BEAN1: variants seen among roughly 807,000 people sequenced by gnomAD.
The protein encoded by BEAN1 is protein BEAN1.
BEAN1 carries 17 observed loss-of-function variants against 17.7 expected under a neutral mutation model. That is an observed-to-expected ratio of 0.96 (90% CI 0.66 to 1.44). BEAN1 has a LOEUF of 1.44. Ranked by LOEUF, BEAN1 falls within the 40% of genes most tolerant of loss-of-function variation. The probability of loss-of-function intolerance (pLI) is 0.00; values close to 1 mark genes in which losing one functional copy is unlikely to be tolerated. For synonymous variants in BEAN1, 142 were observed against 151.8 expected (o/e 0.94, Z 0.47); for missense variants, 359 against 374.1 (o/e 0.96, Z 0.33).
Position 66,434,736 on chromosome 16 carries a change from C to T in BEAN1, c.-82-2859C>T, listed in dbSNP as rs1255126291. 6.6e-6 allele frequency among the ~76,000 whole-genome samples: 1 copy of T among 152,154 alleles called. No individual in the cohort carries two copies. Among genetic ancestry groups the T allele is most frequent in the Non-Finnish European group, 1.5e-5 (1 of 68,028 alleles). Reference sequence around the variant, plus strand: ...CAATGGTGACAAGATGCCTGGGAAGCATCTCAGCTTTTTGCATAGAGATCC... The same window carrying T: ...CAATGGTGACAAGATGCCTGGGAAGTATCTCAGCTTTTTGCATAGAGATCC... On this transcript the variant is annotated intron_variant, in intron 1 of 4. Transcript: ENST00000536005. This position sits in a 1 kb window ranked among gnomAD's most constrained non-coding sequence, Gnocchi z 4.3.
chr16:66,493,463 A>C (rs1327743292), exon 5 of BEAN1: 2 of 605,192 alleles, frequency 3.3e-6, no homozygotes, highest in Non-Finnish European at 5.9e-6. Context: ...CCATGGCAGC[A>C]CATGCCTGGA....
intron 1 of BEAN1, among the ~76,000 whole-genome samples, chr16:66,431,378 TG>T (rs1473886376): frequency 2.0e-5 from 3 of 152,256 alleles, no homozygotes; most frequent in Non-Finnish European, 4.4e-5. Flanking sequence ...TAGCACAAAA[TG>T]TTTTTTTGAG....
chr16:66,458,179 G>A lies in BEAN1; in HGVS notation c.26-11423G>A, dbSNP rs557415869. Among the ~76,000 whole-genome samples, 13 of 152,292 alleles carry A rather than the reference G, an allele frequency of 8.5e-5. No homozygotes were observed. The South Asian group carries it at 1.0e-3, about 12-fold the overall frequency. On this transcript the variant is annotated intron_variant, in intron 2 of 4. Coordinates refer to ENST00000536005, the MANE Select transcript of BEAN1 (RefSeq NM_001178020.3). The stretch of plus-strand genomic sequence containing the variant: ...GAAGGTGCTGAGTCAGCACTTTTGC[G>A]TCTCTGTTCCTTCCCTTTGTCACTG...
At chr16:66,486,902 G>C (rs1232091749), downstream of BEAN1, among the ~76,000 whole-genome samples, 1 of 152,192 alleles carries the variant, frequency 6.6e-6, no homozygotes, top group Non-Finnish European at 1.5e-5. Flanking sequence ...TGCTAAGCAG[G>C]GCCCATAGCA....
intron 2 of BEAN1, among the ~76,000 whole-genome samples, chr16:66,457,967 G>A (rs1036206793): frequency 2.6e-5 from 4 of 152,116 alleles, no homozygotes; most frequent in African/African-American, 4.8e-5. Flanking sequence ...ATGACTCCAC[G>A]CCTCACCCTG....
At chr16:66,476,869 G>T (rs1963768547) in intron 3 of BEAN1, among the ~76,000 whole-genome samples, 1 of 151,350 alleles carries the variant, frequency 6.6e-6, no homozygotes, top group Non-Finnish European at 1.5e-5. Context: ...TTGATGTCCT[G>T]GTGCATGGTA....
chr16:66,459,238 A>T (rs1284075024), intron 2 of BEAN1, among the ~76,000 whole-genome samples: 1 of 151,916 alleles, frequency 6.6e-6, no homozygotes, highest in East Asian at 1.9e-4. Flanking sequence ...TCTGTCCTCC[A>T]TCTGCAACCC....
At chr16:66,467,863 G>C (rs1271815507) in intron 2 of BEAN1, among the ~76,000 whole-genome samples, 1 of 152,234 alleles carries the variant, frequency 6.6e-6, no homozygotes, top group Non-Finnish European at 1.5e-5. Flanking sequence ...GGCTGCAAGA[G>C]CCACCAGCAT....
At chr16:66,437,902 C>T (rs1962093782) in intron 2 of BEAN1, 7 of 707,108 alleles carry the variant, frequency 9.9e-6, no homozygotes, top group South Asian at 9.8e-5. Flanking sequence ...AACTGAAAAT[C>T]GCACTTTGGC....
chr16:66,442,985 G>A (rs958689234), intron 2 of BEAN1, among the ~76,000 whole-genome samples: 3 of 152,194 alleles, frequency 2.0e-5, no homozygotes, highest in Non-Finnish European at 2.9e-5. Flanking sequence ...TAGAAGAAAG[G>A]ACTTGAGGGC....
At chr16:66,433,285 AT>A (rs1961875900) in intron 1 of BEAN1, among the ~76,000 whole-genome samples, 1 of 151,768 alleles carries the variant, frequency 6.6e-6, no homozygotes, top group South Asian at 2.1e-4. Flanking sequence ...ATTTTTTTGT[AT>A]TTTTAGTAGA....
At chr16:66,431,314 C>T (rs1219000120) in intron 1 of BEAN1, among the ~76,000 whole-genome samples, 1 of 152,208 alleles carries the variant, frequency 6.6e-6, no homozygotes, top group African/African-American at 2.4e-5. Context: ...AACCCCACAA[C>T]TTCTAATGAA....
chr16:66,434,468 G>A lies in BEAN1; in HGVS notation c.-82-3127G>A, dbSNP rs547656844. Among the ~76,000 whole-genome samples the A allele has an allele frequency of 2.0e-5, 3 of 152,290 alleles. No homozygotes were observed. The South Asian group carries it at 6.2e-4, about 32-fold the overall frequency. ...GTCCTCCGGCAGAAATCCTGGAGTGGGGGAAGGGAGAAGGAAACAGGCAGC... is the reference window on the plus strand; with the variant it reads ...GTCCTCCGGCAGAAATCCTGGAGTGAGGGAAGGGAGAAGGAAACAGGCAGC... On this transcript the variant is annotated intron_variant, in intron 1 of 4. Coordinates refer to ENST00000536005, the MANE Select transcript of BEAN1 (RefSeq NM_001178020.3). The surrounding 1 kb of genome is among the most constrained non-coding windows in gnomAD (Gnocchi z 4.3).
chr16:66,479,688 C>G (rs887712011), intron 4 of BEAN1, among the ~76,000 whole-genome samples: 1 of 152,098 alleles, frequency 6.6e-6, no homozygotes, highest in Non-Finnish European at 1.5e-5. Context: ...CCTTAGGGAT[C>G]AAGACGGGTT....
chr16:66,440,123 C>CTTTTTT (rs386384954), intron 2 of BEAN1, among the ~76,000 whole-genome samples: 14 of 75,366 alleles, frequency 1.9e-4, no homozygotes, highest in East Asian at 4.1e-4. Flanking sequence ...TTGGGTACTT[C>CTTTTTT]TTTTTTTTTT....
downstream of BEAN1, chr16:66,483,999 C>T (rs890886203): frequency 6.3e-6 from 1 of 158,270 alleles, no homozygotes; most frequent in Non-Finnish European, 1.4e-5. Flanking sequence ...ACAATACCCA[C>T]CAGCACTCAT....
chr16:66,476,626 C>G (rs542218404), intron 3 of BEAN1, among the ~76,000 whole-genome samples: 1 of 152,298 alleles, frequency 6.6e-6, no homozygotes, highest in Non-Finnish European at 1.5e-5. Flanking sequence ...CTGTAGAGAG[C>G]TTAGCAAGGA....
At position 66,493,500 on chromosome 16, in the gene BEAN1, G is replaced by A; in HGVS notation, c.*59G>A. On this transcript the variant is annotated 3_prime_UTR_variant, in exon 5 of 5. Transcript: ENST00000561796. Reference sequence around the variant, plus strand: ...AGTGAGGAGGTCCTGCCTTGCTTCAGTGACCCTGTCTTACACTGGATGCCC... The same window carrying A: ...AGTGAGGAGGTCCTGCCTTGCTTCAATGACCCTGTCTTACACTGGATGCCC... 6 of 600,246 alleles carry A rather than the reference G, an allele frequency of 1.0e-5. No homozygotes were observed. In the South Asian group the frequency reaches 1.2e-4, roughly 12 times the overall value. The allele number at this position is 600,246 out of a possible 1,614,324, so 37.2% of individuals were successfully genotyped here. A position where few individuals can be genotyped will look rare whatever the true frequency, so the allele number is the denominator to read the frequency against.
intron 3 of BEAN1, among the ~76,000 whole-genome samples, chr16:66,474,117 C>T (rs548807636): frequency 2.6e-5 from 4 of 152,138 alleles, no homozygotes; most frequent in South Asian, 2.1e-4. Context: ...ACTTCCTATG[C>T]GCATCCTCAG....
Sources: allele counts gnomAD v4.1 joint callset (sites outside exome capture counted in the v4.1 genomes callset), GRCh38; gene constraint gnomAD v4.1.1; non-coding constraint Gnocchi (gnomAD v3.1); transcripts MANE v1.5; gene names NCBI Gene and HGNC (gene_info 2026-07-23, HGNC 2026-07-21).